The following ST6GALNAC3 variants were observed in gnomAD, a reference collection of about 807,000 sequenced individuals.
The protein encoded by ST6GALNAC3 is ST6 N-acetylgalactosaminide alpha-2,6-sialyltransferase 3.
Under a neutral mutation model 32.7 loss-of-function variants are expected in ST6GALNAC3, and 25 were observed. The ratio of observed to expected loss-of-function variants is 0.76; its 90% CI spans 0.56 to 1.07. ST6GALNAC3 has a LOEUF of 1.07. ST6GALNAC3 is among the 50% of genes least tolerant of loss of function. ST6GALNAC3 has a pLI of 0.00. For missense variants in ST6GALNAC3, 355 were observed against 382.4 expected (o/e 0.93, Z 0.60); for synonymous variants, 129 against 133.1 (o/e 0.97, Z 0.21).
At chr1:76,311,778 T>A (rs935044642) in intron 1 of ST6GALNAC3, among the ~76,000 whole-genome samples, 3 of 152,220 alleles carry the variant, frequency 2.0e-5, no homozygotes, top group Non-Finnish European at 2.9e-5. Context: ...TGATTTATAA[T>A]CCTTTGGTTA....
At chr1:76,573,615 C>G (rs1003009893) in intron 3 of ST6GALNAC3, among the ~76,000 whole-genome samples, 4 of 151,118 alleles carry the variant, frequency 2.6e-5, no homozygotes, top group African/African-American at 9.7e-5. Flanking sequence ...GATGTTCATC[C>G]AATTTGAATG....
chr1:76,119,228 G>A (rs1648695987), intron 1 of ST6GALNAC3, among the ~76,000 whole-genome samples: 1 of 152,138 alleles, frequency 6.6e-6, no homozygotes, highest in Non-Finnish European at 1.5e-5. Flanking sequence ...TGGGCCCTTG[G>A]GACCTACATA....
chr1:76,216,058 C>T (rs1655441053), intron 1 of ST6GALNAC3, among the ~76,000 whole-genome samples: 1 of 152,152 alleles, frequency 6.6e-6, no homozygotes, highest in Non-Finnish European at 1.5e-5. Context: ...CATCCACTGC[C>T]TTGGCCACAC....
downstream of ST6GALNAC3, among the ~76,000 whole-genome samples, chr1:76,636,389 T>C (rs745529307): frequency 3.3e-5 from 5 of 152,220 alleles, no homozygotes; most frequent in Non-Finnish European, 5.9e-5. Context: ...AGCCTTTTTT[T>C]TCAGCTCTCC....
chr1:76,542,042 G>C (rs774684509), intron 3 of ST6GALNAC3, among the ~76,000 whole-genome samples: 6 of 152,090 alleles, frequency 3.9e-5, no homozygotes, highest in Non-Finnish European at 7.4e-5. Context: ...AGAAGTAAAG[G>C]CTAAGCCATT....
At chr1:76,407,222 C>A (rs1049173517) in intron 2 of ST6GALNAC3, among the ~76,000 whole-genome samples, 2 of 152,024 alleles carry the variant, frequency 1.3e-5, no homozygotes, top group African/African-American at 4.8e-5. Context: ...CACAGCTTAG[C>A]GCTGTGTGCT....
chr1:76,354,934 A>G (rs1358503654), intron 2 of ST6GALNAC3, among the ~76,000 whole-genome samples: 1 of 152,220 alleles, frequency 6.6e-6, no homozygotes, highest in East Asian at 1.9e-4. Flanking sequence ...GGGAAAATGT[A>G]AGGGGTAAAA....
intron 3 of ST6GALNAC3, among the ~76,000 whole-genome samples, chr1:76,560,124 A>G (rs1665160966): frequency 6.6e-6 from 1 of 152,166 alleles, no homozygotes; most frequent in Non-Finnish European, 1.5e-5. Flanking sequence ...GGAAAACTAG[A>G]TATCCATATG....
At chr1:76,343,487 G>A (rs1195809483) in intron 2 of ST6GALNAC3, among the ~76,000 whole-genome samples, 1 of 152,162 alleles carries the variant, frequency 6.6e-6, no homozygotes, top group Non-Finnish European at 1.5e-5. Flanking sequence ...AGTTCTGTGG[G>A]AGCTGAGTCT....
At chr1:76,165,727 G>A (rs1652080333) in intron 1 of ST6GALNAC3, among the ~76,000 whole-genome samples, 1 of 152,084 alleles carries the variant, frequency 6.6e-6, no homozygotes, top group South Asian at 2.1e-4. Flanking sequence ...GCGTGAGATG[G>A]CATCTCATTG....
chr1:76,568,861 T>A (rs1665702480), intron 3 of ST6GALNAC3, among the ~76,000 whole-genome samples: 1 of 152,194 alleles, frequency 6.6e-6, no homozygotes, highest in Non-Finnish European at 1.5e-5. Context: ...TGGAACCCAT[T>A]AAACAAGATT....
intron 2 of ST6GALNAC3, among the ~76,000 whole-genome samples, chr1:76,351,156 A>G (rs1018728550): frequency 2.0e-5 from 3 of 152,082 alleles, no homozygotes; most frequent in Non-Finnish European, 4.4e-5. Flanking sequence ...TTTTTTGTGT[A>G]TTAGCTTTGT....
At chr1:76,209,558 T>A (rs1056987784) in intron 1 of ST6GALNAC3, among the ~76,000 whole-genome samples, 4 of 152,158 alleles carry the variant, frequency 2.6e-5, no homozygotes, top group Non-Finnish European at 5.9e-5. Flanking sequence ...CTAGGTGTCT[T>A]TACAGGAGAA....
chr1:76,149,633 C>T (rs1650915180), intron 1 of ST6GALNAC3, among the ~76,000 whole-genome samples: 1 of 152,188 alleles, frequency 6.6e-6, no homozygotes, highest in African/African-American at 2.4e-5. Context: ...GTGCAAATGA[C>T]AGGATTTCCT....
At chr1:76,188,061 G>A (rs1653672588) in intron 1 of ST6GALNAC3, among the ~76,000 whole-genome samples, 1 of 152,088 alleles carries the variant, frequency 6.6e-6, no homozygotes, top group African/African-American at 2.4e-5. Flanking sequence ...GATATAAGTA[G>A]ATGCAGAAAT....
At chr1:76,457,820 A>T (rs373834689) in intron 3 of ST6GALNAC3, among the ~76,000 whole-genome samples, 2 of 150,562 alleles carry the variant, frequency 1.3e-5, no homozygotes, top group South Asian at 4.2e-4. Context: ...GGACATAGGC[A>T]TGGGCAAGGA....
chr1:76,290,173 G>A (rs564110176), intron 1 of ST6GALNAC3, among the ~76,000 whole-genome samples: 1 of 152,322 alleles, frequency 6.6e-6, no homozygotes, highest in African/African-American at 2.4e-5. Context: ...CCAGTTCCCT[G>A]CTCCCTCCAC....
intron 1 of ST6GALNAC3, among the ~76,000 whole-genome samples, chr1:76,251,332 GAAT>G (rs1657602962): frequency 6.6e-6 from 1 of 152,070 alleles, no homozygotes; most frequent in Non-Finnish European, 1.5e-5. Flanking sequence ...ATTTTGGCTA[GAAT>G]CATTTTTCAA....
At chr1:76,083,885 C>T (rs1373278289) in intron 1 of ST6GALNAC3, among the ~76,000 whole-genome samples, 1 of 151,930 alleles carries the variant, frequency 6.6e-6, no homozygotes, top group Non-Finnish European at 1.5e-5. Context: ...TTTGATTTTA[C>T]TAATTTAAAG....
Sources: allele counts gnomAD v4.1 joint callset (sites outside exome capture counted in the v4.1 genomes callset), GRCh38; gene constraint gnomAD v4.1.1; transcripts MANE v1.5; gene names NCBI Gene and HGNC (gene_info 2026-07-23, HGNC 2026-07-21).